The following PDE10A variants were observed in gnomAD, a reference collection of about 807,000 sequenced individuals.
The protein encoded by PDE10A is phosphodiesterase 10A, also known as cAMP and cAMP-inhibited cGMP 3',5'-cyclic phosphodiesterase 10A.
Under a neutral mutation model 97.7 loss-of-function variants are expected in PDE10A, and 39 were observed. The observed-to-expected ratio is 0.40, with a 90% confidence interval of 0.31 to 0.52. PDE10A has a LOEUF of 0.52. Among genes scored for constraint, PDE10A ranks in the 20% least tolerant of loss-of-function variants. The probability of loss-of-function intolerance (pLI) is 0.56; values close to 1 mark genes in which losing one functional copy is unlikely to be tolerated. For synonymous variants in PDE10A, 371 were observed against 376.8 expected (o/e 0.98, Z 0.18); for missense variants, 731 against 1,047.8 (o/e 0.70, Z 4.17).
chr6:165,919,443 C>T (rs546620403), intron 1 of PDE10A, among the ~76,000 whole-genome samples: 1 of 152,332 alleles, frequency 6.6e-6, no homozygotes, highest in South Asian at 2.1e-4. Flanking sequence ...CCACAGACCA[C>T]GTTTCTCCTA....
intron 18 of PDE10A, among the ~76,000 whole-genome samples, chr6:165,377,146 T>TG (rs1784655188): frequency 6.6e-6 from 1 of 152,204 alleles, no homozygotes; most frequent in African/African-American, 2.4e-5. Context: ...GTAGAACACA[T>TG]GGTGTAAATA....
intron 1 of PDE10A, among the ~76,000 whole-genome samples, chr6:165,808,389 A>G (rs1779193483): frequency 6.6e-6 from 1 of 152,066 alleles, no homozygotes; most frequent in Non-Finnish European, 1.5e-5. Context: ...TCACACAGAC[A>G]GCGGGTGATG....
At chr6:165,952,796 T>A (rs1324472179) in intron 1 of PDE10A, among the ~76,000 whole-genome samples, 3 of 151,854 alleles carry the variant, frequency 2.0e-5, no homozygotes, top group African/African-American at 7.3e-5. Context: ...CTGGGCTCCA[T>A]CCACTTTGCT....
Position 165,374,892 on chromosome 6 carries a change from C to G in PDE10A, c.2783+4302G>C, listed in dbSNP as rs115390313. ...TAATTTTCAAAATATTTCAAATATT[C>G]TCATTATTTTATTGTATCAGTCACA... On this transcript the variant is annotated intron_variant, in intron 18 of 21. Coordinates refer to ENST00000539869, the MANE Select transcript of PDE10A (RefSeq NM_001385079.1). Among the ~76,000 whole-genome samples the G allele has an allele frequency of 7.0e-3, 1,061 of 151,614 alleles. 10 individuals carry two copies. Among genetic ancestry groups the G allele is most frequent in the African/African-American group, 0.025 (1,020 of 41,304 alleles).
intron 18 of PDE10A, among the ~76,000 whole-genome samples, chr6:165,367,482 G>GA (rs978887474): frequency 1.3e-5 from 2 of 152,006 alleles, no homozygotes; most frequent in African/African-American, 2.4e-5. Context: ...TAATGGGGCA[G>GA]AAAAAACATC....
chr6:165,578,597 T>C (rs1172400825), intron 1 of PDE10A, among the ~76,000 whole-genome samples: 1 of 152,198 alleles, frequency 6.6e-6, no homozygotes, highest in Non-Finnish European at 1.5e-5. Context: ...CCTATGGTCC[T>C]CAAGACTTCC....
chr6:165,737,273 C>T (rs1792598498), intron 1 of PDE10A, among the ~76,000 whole-genome samples: 1 of 152,196 alleles, frequency 6.6e-6, no homozygotes, highest in African/African-American at 2.4e-5. Flanking sequence ...TGAAGGAACA[C>T]TTCCAAACTC....
intron 1 of PDE10A, among the ~76,000 whole-genome samples, chr6:165,893,288 C>CT (rs35774639): frequency 1.3e-5 from 2 of 152,168 alleles, no homozygotes; most frequent in Admixed American, 1.3e-4. Context: ...TGCGAATGCC[C>CT]TTTTTTTGGT....
chr6:165,676,569 C>A (rs1427539192), intron 1 of PDE10A, among the ~76,000 whole-genome samples: 1 of 151,684 alleles, frequency 6.6e-6, no homozygotes, highest in Admixed American at 6.6e-5. Flanking sequence ...GAAGGGGTTC[C>A]AGGAGGAGGG....
At chr6:165,369,211 G>A (rs532522470) in intron 18 of PDE10A, among the ~76,000 whole-genome samples, 3 of 152,068 alleles carry the variant, frequency 2.0e-5, no homozygotes, top group Admixed American at 6.6e-5. Context: ...CACCAGCAAC[G>A]GAACAAAGCT....
chr6:165,983,882 A>C (rs1785096001), intron 1 of PDE10A, among the ~76,000 whole-genome samples: 1 of 152,244 alleles, frequency 6.6e-6, no homozygotes, highest in Admixed American at 6.5e-5. Flanking sequence ...AAACACTGCC[A>C]GCTACCTGGC....
chr6:165,532,454 A>G (rs996297307), intron 2 of PDE10A, among the ~76,000 whole-genome samples: 1 of 151,970 alleles, frequency 6.6e-6, no homozygotes, highest in Non-Finnish European at 1.5e-5. Context: ...AATCAGTTAT[A>G]CAAGTGCTAA....
intron 2 of PDE10A, among the ~76,000 whole-genome samples, chr6:165,489,099 T>A (rs1291186813): frequency 1.3e-5 from 2 of 152,120 alleles, no homozygotes; most frequent in Non-Finnish European, 2.9e-5. Flanking sequence ...CCTCAGCTGA[T>A]GCACTCTTGA....
Position 165,671,965 on chromosome 6 carries a change from G to C in PDE10A, c.-614-128397C>G, listed in dbSNP as rs534787538. ...TGAAACTCTATCCCATCTGTTTTCA[G>C]TCAAACTATATTACTTCCGTAACCG... On this transcript the variant is annotated intron_variant, in intron 1 of 19. Transcript: ENST00000366882. The surrounding 1 kb of genome is among the most constrained non-coding windows in gnomAD (Gnocchi z 4.6). Among the ~76,000 whole-genome samples the C allele has an allele frequency of 1.1e-4, 16 of 152,256 alleles. No individual in the cohort carries two copies. The South Asian group carries it at 2.5e-3, about 24-fold the overall frequency.
At chr6:165,483,154 G>T (rs1171073049) in intron 2 of PDE10A, among the ~76,000 whole-genome samples, 1 of 152,152 alleles carries the variant, frequency 6.6e-6, no homozygotes, top group Non-Finnish European at 1.5e-5. Flanking sequence ...GCATCAACAG[G>T]CTCCTTGCTG....
intron 7 of PDE10A, among the ~76,000 whole-genome samples, chr6:165,432,562 C>A (rs554378682): frequency 1.3e-5 from 2 of 152,194 alleles, no homozygotes; most frequent in East Asian, 3.9e-4. Flanking sequence ...TAGTAATGAG[C>A]CTATTGAGTG....
At chr6:165,456,417 C>G (rs1777957550) in intron 3 of PDE10A, among the ~76,000 whole-genome samples, 1 of 152,168 alleles carries the variant, frequency 6.6e-6, no homozygotes, top group African/African-American at 2.4e-5. Flanking sequence ...CATTCAGGCT[C>G]CACACAAATG....
chr6:165,650,573 G>A (rs915128702), intron 1 of PDE10A, among the ~76,000 whole-genome samples: 5 of 151,954 alleles, frequency 3.3e-5, no homozygotes, highest in African/African-American at 1.2e-4. Context: ...CTGGACATTC[G>A]TTTACACTGC....
At chr6:165,456,433 C>T (rs56177988) in intron 3 of PDE10A, among the ~76,000 whole-genome samples, 15,319 of 152,240 alleles carry the variant, frequency 0.1, 929 homozygotes, top group Middle Eastern at 0.19. Context: ...AAATGATACA[C>T]GGCTGACTCC....
Sources: allele counts gnomAD v4.1 joint callset (sites outside exome capture counted in the v4.1 genomes callset), GRCh38; gene constraint gnomAD v4.1.1; non-coding constraint Gnocchi (gnomAD v3.1); transcripts MANE v1.5; gene names NCBI Gene and HGNC (gene_info 2026-07-23, HGNC 2026-07-21).